Variants in ZNF875 observed in about 807,000 individuals in gnomAD.
ZNF875 encodes zinc finger protein 875.
In ZNF875, 14 loss-of-function variants were observed where a neutral mutation model predicts 11.2. That is an observed-to-expected ratio of 1.26 (90% CI 0.83 to 1.96). The LOEUF (loss-of-function observed/expected upper bound fraction) is 1.96, where lower values mean the gene tolerates loss of function less well. ZNF875 is among the 30% of genes most tolerant of loss of function. ZNF875 has a pLI of 0.00. For synonymous variants in ZNF875, 301 were observed against 281.1 expected (o/e 1.07, Z -0.71); for missense variants, 752 against 760.4 (o/e 0.99, Z 0.13).
chr19:37,315,038 C>G (rs1020711065), upstream of ZNF875: 1 of 151,990 alleles, frequency 6.6e-6, no homozygotes, highest in Admixed American at 6.6e-5. Context: ...CCCTCCAGTT[C>G]CCCCCAACTC....
chr19:37,314,721 A>T (rs1475517493), upstream of ZNF875: 6 of 150,614 alleles, frequency 4.0e-5, no homozygotes, highest in Non-Finnish European at 7.4e-5. Context: ...ACTGCACTCC[A>T]GTCTGGGCAA....
chr19:37,354,466 TG>T (rs930455854), intron 4 of ZNF875, among the ~76,000 whole-genome samples: 23 of 151,980 alleles, frequency 1.5e-4, no homozygotes, highest in African/African-American at 5.6e-4. Flanking sequence ...TATTTTCTGC[TG>T]CAGGGTTCTT....
chr19:37,318,225 C>T (rs988212323), intron 1 of ZNF875: 2 of 152,592 alleles, frequency 1.3e-5, no homozygotes, highest in African/African-American at 4.8e-5. Context: ...GGGTAAAATG[C>T]CCTTTTATTT....
intron 4 of ZNF875, among the ~76,000 whole-genome samples, chr19:37,327,623 C>T (rs1457300711): frequency 3.3e-5 from 5 of 150,642 alleles, no homozygotes; most frequent in Non-Finnish European, 7.4e-5. Context: ...CAAAATTATT[C>T]GTGTAGTGGT....
At chr19:37,350,681 C>T (rs1376918075) in intron 4 of ZNF875, among the ~76,000 whole-genome samples, 1 of 151,750 alleles carries the variant, frequency 6.6e-6, no homozygotes, top group Non-Finnish European at 1.5e-5. Flanking sequence ...CCACCATCAC[C>T]ACAATAAAGA....
chr19:37,321,574 C>T (rs1599860175), intron 1 of ZNF875, among the ~76,000 whole-genome samples: 2 of 152,104 alleles, frequency 1.3e-5, no homozygotes, highest in Non-Finnish European at 2.9e-5. Context: ...TCCCCTGGGC[C>T]CACTTTTCTT....
At position 37,334,761 on chromosome 19, in the gene ZNF875, C is replaced by T. The variant is rs1342022822; in HGVS notation, c.-78C>T. ...GTTACCTGACTTTCGGCTTCAGGATCCGCAGCGTGCACCCGCGTTCCGTGA... is the reference window on the plus strand; with the variant it reads ...GTTACCTGACTTTCGGCTTCAGGATTCGCAGCGTGCACCCGCGTTCCGTGA... On this transcript the variant is annotated 5_prime_UTR_variant, in exon 1 of 5. Coordinates refer to ENST00000392153, the MANE Select transcript of ZNF875 (RefSeq NM_001353803.2). The T allele has an allele frequency of 4.4e-6, 2 of 456,384 alleles. No individual in the cohort carries two copies. Among genetic ancestry groups the T allele is most frequent in the Admixed American group, 4.7e-5 (2 of 42,584 alleles). The allele number at this position is 456,384 out of a possible 1,614,324, so 28.3% of individuals were successfully genotyped here.
At chr19:37,326,385 C>T (rs139944009) in intron 4 of ZNF875, among the ~76,000 whole-genome samples, 8 of 152,276 alleles carry the variant, frequency 5.3e-5, no homozygotes, top group South Asian at 2.1e-4. Context: ...CTCCTCTCTT[C>T]CTGTCTCTTG....
chr19:37,322,863 T>A (rs1226907358), intron 2 of ZNF875, among the ~76,000 whole-genome samples: 5 of 152,202 alleles, frequency 3.3e-5, no homozygotes, highest in African/African-American at 1.2e-4. Flanking sequence ...TGGTGTAATC[T>A]TCATTGTGTG....
intron 2 of ZNF875, among the ~76,000 whole-genome samples, chr19:37,342,773 G>T (rs1307852001): frequency 6.6e-6 from 1 of 152,078 alleles, no homozygotes; most frequent in Non-Finnish European, 1.5e-5. Flanking sequence ...AATTCATCAG[G>T]TATATTTTCT....
chr19:37,334,831 T>TAG (rs373030570), intron 1 of ZNF875, 49 bp downstream of exon 1: 426 of 459,258 alleles, frequency 9.3e-4, no homozygotes, highest in African/African-American at 6.6e-3. Context: ...GTCCCTGTGT[T>TAG]ACGGGGACGC....
At chr19:37,345,784 T>G (rs2036645099) in intron 2 of ZNF875, among the ~76,000 whole-genome samples, 1 of 152,190 alleles carries the variant, frequency 6.6e-6, no homozygotes, top group Non-Finnish European at 1.5e-5. Context: ...CTCTATGGAC[T>G]GCAGATTGTA....
chr19:37,349,457 G>C (rs1375199709), intron 4 of ZNF875, among the ~76,000 whole-genome samples: 3 of 152,138 alleles, frequency 2.0e-5, no homozygotes, highest in Non-Finnish European at 4.4e-5. Flanking sequence ...TCTCATAGTA[G>C]TTGTAATTTG....
Position 37,362,542 on chromosome 19 carries a change from G to A in ZNF875, c.690G>A (p.Glu230=), listed in dbSNP as rs771323767. The A allele has an allele frequency of 6.2e-7, 1 of 1,614,214 alleles. No individual in the cohort carries two copies. Among genetic ancestry groups the A allele is most frequent in the Non-Finnish European group, 8.5e-7 (1 of 1,180,050 alleles). Reference sequence around the variant, plus strand: ...GATTTGGAGAAATCAAATATGAAGAGTTTGGGCCAGGCTTTATCAAGGAGT... The same window carrying A: ...GATTTGGAGAAATCAAATATGAAGAATTTGGGCCAGGCTTTATCAAGGAGT... ...VSGFGEIKYE[E]FGPGFIKESN... Residue 230 remains glutamate, a synonymous_variant, in exon 5 of 5, where the codon GAG becomes GAA. Coordinates refer to ENST00000392153, the MANE Select transcript of ZNF875 (RefSeq NM_001353803.2).
At chr19:37,330,205 G>A (rs150763671), upstream of ZNF875, among the ~76,000 whole-genome samples, 159 of 152,214 alleles carry the variant, frequency 1.0e-3, no homozygotes, top group Middle Eastern at 3.4e-3. Context: ...TCCATACAGT[G>A]TGGAATGTTT....
intron 1 of ZNF875, among the ~76,000 whole-genome samples, chr19:37,320,291 G>A (rs1432191254): frequency 1.3e-5 from 2 of 152,182 alleles, no homozygotes; most frequent in Non-Finnish European, 2.9e-5. Flanking sequence ...CTTCCATCTT[G>A]AATACAGGCT....
intron 2 of ZNF875, chr19:37,346,198 C>T (rs1225996208): frequency 6.6e-6 from 1 of 152,184 alleles, no homozygotes. Flanking sequence ...ATAGAACGGC[C>T]AGGGACTGCA....
At chr19:37,334,031 T>C (rs1232894529), upstream of ZNF875, among the ~76,000 whole-genome samples, 1 of 152,060 alleles carries the variant, frequency 6.6e-6, no homozygotes, top group Admixed American at 6.6e-5. Flanking sequence ...AGGGGATCTT[T>C]TGCTGTTCAC....
chr19:37,327,882 G>T (rs928805508), intron 4 of ZNF875, among the ~76,000 whole-genome samples: 1 of 152,152 alleles, frequency 6.6e-6, no homozygotes, highest in South Asian at 2.1e-4. Context: ...TGGGTGTAGT[G>T]ATTGTGTTCT....
Sources: gnomAD v4.1 joint callset for allele counts (sites outside exome capture counted in the v4.1 genomes callset) on GRCh38, gnomAD v4.1.1 for gene constraint, MANE v1.5 for transcripts, NCBI Gene and HGNC (gene_info 2026-07-23, HGNC 2026-07-21) for gene names.